NT5DC1: variants seen among roughly 807,000 people sequenced by gnomAD.
NT5DC1 encodes the protein 5'-nucleotidase domain containing 1.
In NT5DC1, 42 loss-of-function variants were observed where a neutral mutation model predicts 59.4. The ratio of observed to expected loss-of-function variants is 0.71; its 90% CI spans 0.55 to 0.92. The LOEUF (loss-of-function observed/expected upper bound fraction) is 0.92, where lower values mean the gene tolerates loss of function less well. NT5DC1 is among the 40% of genes least tolerant of loss of function. The probability of loss-of-function intolerance (pLI) is 0.00; values close to 1 mark genes in which losing one functional copy is unlikely to be tolerated. For missense variants in NT5DC1, 501 were observed against 537.1 expected, an observed-to-expected ratio of 0.93 and a Z score of 0.66; for synonymous variants, 172 against 188.1, an observed-to-expected ratio of 0.91 and a Z score of 0.70.
intron 6 of NT5DC1, among the ~76,000 whole-genome samples, chr6:116,203,402 T>C (rs1163856993): frequency 1.3e-5 from 2 of 151,974 alleles, no homozygotes; most frequent in African/African-American, 4.8e-5. Flanking sequence ...ATCCCTTTCC[T>C]GGAGAGACAC....
At chr6:116,241,636 C>T (rs761766402) in intron 11 of NT5DC1, among the ~76,000 whole-genome samples, 5 of 152,068 alleles carry the variant, frequency 3.3e-5, no homozygotes, top group Non-Finnish European at 5.9e-5. Flanking sequence ...TAAGAATCAG[C>T]AAGACGGCCG....
intron 6 of NT5DC1, chr6:116,121,978 A>G: frequency 6.2e-7 from 1 of 1,604,596 alleles, no homozygotes; most frequent in Admixed American, 1.7e-5. Flanking sequence ...GACACACCCA[A>G]CACACCCACC....
chr6:116,163,141 A>AATATATAT (rs1554197063), intron 6 of NT5DC1, among the ~76,000 whole-genome samples: 24 of 88,380 alleles, frequency 2.7e-4, no homozygotes, highest in African/African-American at 1.1e-3. Flanking sequence ...AAAAAAAAAA[A>AATATATAT]ATATATATAT....
chr6:116,110,990 T>C, intron 4 of NT5DC1, 34 bp downstream of exon 4: 1 of 1,388,074 alleles, frequency 7.2e-7, no homozygotes, highest in East Asian at 2.3e-5. Context: ...CACCATCCGC[T>C]CCCTGTTTGT....
At chr6:116,219,057 G>T (rs781760135) in intron 6 of NT5DC1, among the ~76,000 whole-genome samples, 1 of 151,936 alleles carries the variant, frequency 6.6e-6, no homozygotes, top group Non-Finnish European at 1.5e-5. Context: ...TCAGAGGCCC[G>T]AGGTGGGAGG....
At chr6:116,227,676 T>A (rs1324754822) in intron 8 of NT5DC1, among the ~76,000 whole-genome samples, 8 of 152,236 alleles carry the variant, frequency 5.3e-5, no homozygotes, top group Admixed American at 5.2e-4. Context: ...TGAGGTGATA[T>A]CTCATTATGG....
chr6:116,130,492 G>A (rs569446682), intron 6 of NT5DC1, among the ~76,000 whole-genome samples: 34 of 151,120 alleles, frequency 2.2e-4, no homozygotes, highest in African/African-American at 6.3e-4. Context: ...TGTACCTTTC[G>A]TGGCCCAGAT....
intron 6 of NT5DC1, among the ~76,000 whole-genome samples, chr6:116,144,838 A>C (rs1026441645): frequency 5.9e-5 from 9 of 152,162 alleles, no homozygotes; most frequent in African/African-American, 1.7e-4. Flanking sequence ...AATATGCATG[A>C]TAGGAGAATG....
At chr6:116,165,098 GAAAAAAAA>G (rs71554841) in intron 6 of NT5DC1, among the ~76,000 whole-genome samples, 1 of 101,072 alleles carries the variant, frequency 9.9e-6, no homozygotes, top group Non-Finnish European at 1.9e-5. Context: ...CTCCGTCTCA[GAAAAAAAA>G]AAAAAAAAAA....
At chr6:116,179,907 A>T (rs1441011887) in intron 6 of NT5DC1, among the ~76,000 whole-genome samples, 1 of 152,150 alleles carries the variant, frequency 6.6e-6, no homozygotes, top group African/African-American at 2.4e-5. Flanking sequence ...TTAGCCAGTG[A>T]TCCCTCTGAA....
intron 6 of NT5DC1, among the ~76,000 whole-genome samples, chr6:116,128,439 C>G (rs903663253): frequency 6.7e-6 from 1 of 149,308 alleles, no homozygotes; most frequent in Admixed American, 6.6e-5. Flanking sequence ...GAAACCCATT[C>G]CACTCAAAAC....
intron 6 of NT5DC1, among the ~76,000 whole-genome samples, chr6:116,209,302 G>C (rs1200527218): frequency 6.6e-6 from 1 of 151,856 alleles, no homozygotes; most frequent in African/African-American, 2.4e-5. Context: ...TTAGCTTGTG[G>C]GCTGTGGTTT....
intron 6 of NT5DC1, among the ~76,000 whole-genome samples, chr6:116,218,392 AT>A (rs1781728192): frequency 1.3e-5 from 2 of 152,040 alleles, no homozygotes; most frequent in Admixed American, 6.6e-5. Context: ...CACACTATAA[AT>A]TTTTTTCTTA....
chr6:116,134,554 T>G (rs1779542175), intron 6 of NT5DC1, among the ~76,000 whole-genome samples: 1 of 152,134 alleles, frequency 6.6e-6, no homozygotes, highest in Non-Finnish European at 1.5e-5. Context: ...CAGATTTCCA[T>G]GTTTATTGAG....
In NT5DC1 at chr6:116,196,745, T is replaced by C. The variant is rs541758225; in HGVS notation, c.530-24309T>C. 1.4e-4 allele frequency among the ~76,000 whole-genome samples: 21 copies of C among 152,014 alleles called. No individual in the cohort carries two copies. The East Asian group carries it at 3.7e-3, about 27-fold the overall frequency. ...TGTTTGCTGCTTCTTAACTCTGCGG[T>C]GTTGGGAATGCTGGCTCACTCTCTC... On this transcript the variant is annotated intron_variant, in intron 6 of 11. Coordinates refer to ENST00000319550, the MANE Select transcript of NT5DC1 (RefSeq NM_152729.3).
intron 6 of NT5DC1, chr6:116,121,595 C>T: frequency 6.2e-7 from 1 of 1,614,098 alleles, no homozygotes; most frequent in South Asian, 1.1e-5. Flanking sequence ...ACCCTTTTCT[C>T]CAGGAAAGCC....
chr6:116,201,852 T>C (rs1781354493), intron 6 of NT5DC1, among the ~76,000 whole-genome samples: 1 of 152,060 alleles, frequency 6.6e-6, no homozygotes, highest in Non-Finnish European at 1.5e-5. Context: ...CTTTTTTAAA[T>C]GCTCTATTTC....
rs59639341 is a variant in NT5DC1 at position 116,155,890 on chromosome 6, T to TAGATAGGTA, written c.529+37947_529+37948insATAGGTAAG. On this transcript the variant is annotated intron_variant, in intron 6 of 11. Coordinates refer to ENST00000319550, the MANE Select transcript of NT5DC1 (RefSeq NM_152729.3). ...TCTTTTATATAAATGGAAGTGGAGG[T>TAGATAGGTA]AGTGTTTATACAAAAAAACAATGGG... 4.9e-3 allele frequency among the ~76,000 whole-genome samples: 738 copies of TAGATAGGTA among 151,960 alleles called. 11 individuals are homozygous for TAGATAGGTA. Among genetic ancestry groups the TAGATAGGTA allele is most frequent in the South Asian group, 0.043 (207 of 4,808 alleles).
intron 6 of NT5DC1, among the ~76,000 whole-genome samples, chr6:116,140,613 A>G (rs1014700123): frequency 6.6e-6 from 1 of 152,136 alleles, no homozygotes; most frequent in Non-Finnish European, 1.5e-5. Context: ...GTGTTTCCTC[A>G]TGTAGTTAAT....
Sources: gnomAD v4.1 joint callset for allele counts (sites outside exome capture counted in the v4.1 genomes callset) on GRCh38, gnomAD v4.1.1 for gene constraint, MANE v1.5 for transcripts, NCBI Gene and HGNC (gene_info 2026-07-23, HGNC 2026-07-21) for gene names.